Variants in NRXN1 observed in about 807,000 individuals in gnomAD.
NRXN1 encodes neurexin 1, also known as neurexin-1.
A neutral mutation model predicts 150.9 loss-of-function variants in NRXN1; 39 were observed. The observed-to-expected ratio is 0.26, with a 90% confidence interval of 0.20 to 0.34. NRXN1 has a LOEUF of 0.34. Among genes scored for constraint, NRXN1 ranks in the 10% least tolerant of loss-of-function variants. NRXN1 has a pLI of 1.00. For synonymous variants in NRXN1, 924 were observed against 757.0 expected (o/e 1.22, Z -3.62); for missense variants, 1,815 against 1,949.9 (o/e 0.93, Z 1.30).
intron 5 of NRXN1, among the ~76,000 whole-genome samples, chr2:50,876,000 C>T (rs934152629): frequency 6.6e-5 from 10 of 151,842 alleles, no homozygotes; most frequent in African/African-American, 2.4e-4. Context: ...GTTTATTAGA[C>T]TGACTCACAT....
chr2:50,846,106 G>A (rs773565626), intron 5 of NRXN1, among the ~76,000 whole-genome samples: 75 of 152,284 alleles, frequency 4.9e-4, no homozygotes, highest in South Asian at 1.0e-3. Context: ...GAGGTCTGTA[G>A]AATCAACTTA....
chr2:50,069,147 G>A (rs1193308737), intron 19 of NRXN1, among the ~76,000 whole-genome samples: 4 of 152,196 alleles, frequency 2.6e-5, no homozygotes, highest in Non-Finnish European at 5.9e-5. Flanking sequence ...ACTTTGGATA[G>A]CAATGAAGTC....
intron 2 of NRXN1, among the ~76,000 whole-genome samples, chr2:50,942,342 C>G (rs774718869): frequency 6.6e-5 from 10 of 152,186 alleles, no homozygotes; most frequent in Non-Finnish European, 1.2e-4. Flanking sequence ...AGAGTTGCCA[C>G]TGAGGCACTG....
At chr2:50,104,190 CAAT>C (rs1701341540) in intron 18 of NRXN1, among the ~76,000 whole-genome samples, 1 of 151,882 alleles carries the variant, frequency 6.6e-6, no homozygotes, top group Admixed American at 6.6e-5. Context: ...TCTGGGCTGA[CAAT>C]AGTTGAAAAG....
At chr2:50,513,555 T>G (rs1395160141) in intron 12 of NRXN1, among the ~76,000 whole-genome samples, 1 of 152,206 alleles carries the variant, frequency 6.6e-6, no homozygotes, top group African/African-American at 2.4e-5. Flanking sequence ...AACGACATGC[T>G]TAATCTTGCT....
intron 8 of NRXN1, among the ~76,000 whole-genome samples, chr2:50,563,411 G>A (rs1206861738): frequency 6.6e-6 from 1 of 152,200 alleles, no homozygotes; most frequent in East Asian, 1.9e-4. Flanking sequence ...AACAACAACA[G>A]TGAATGTAGT....
chr2:50,829,393 G>C, intron 5 of NRXN1: 1 of 1,221,956 alleles, frequency 8.2e-7, no homozygotes, highest in East Asian at 2.5e-5. Context: ...CTCCCAAAGT[G>C]CGGGGATTAC....
At chr2:50,762,822 G>C (rs1701961853) in intron 5 of NRXN1, among the ~76,000 whole-genome samples, 1 of 151,786 alleles carries the variant, frequency 6.6e-6, no homozygotes, top group Non-Finnish European at 1.5e-5. Context: ...ATGTCTTTTT[G>C]GTAGAATAAT....
chr2:50,089,513 A>G (rs1228363385), intron 19 of NRXN1, among the ~76,000 whole-genome samples: 1 of 152,174 alleles, frequency 6.6e-6, no homozygotes, highest in Non-Finnish European at 1.5e-5. Context: ...TAGGCTGGGC[A>G]TGGTGGCTCA....
At chr2:50,511,524 T>C (rs774072769) in intron 12 of NRXN1, among the ~76,000 whole-genome samples, 2 of 152,194 alleles carry the variant, frequency 1.3e-5, no homozygotes, top group African/African-American at 4.8e-5. Context: ...GCTGGTGATA[T>C]TCACTGGGTT....
At chr2:50,512,023 T>C (rs942912565) in intron 12 of NRXN1, among the ~76,000 whole-genome samples, 1 of 152,126 alleles carries the variant, frequency 6.6e-6, no homozygotes, top group Non-Finnish European at 1.5e-5. Flanking sequence ...GAAGACGACA[T>C]GTATTCTCTC....
chr2:50,362,695 T>A (rs190115329), intron 17 of NRXN1, among the ~76,000 whole-genome samples: 305 of 152,306 alleles, frequency 2.0e-3, no homozygotes, highest in African/African-American at 7.0e-3. Flanking sequence ...TTTAATGTTT[T>A]TCCCATCAAG....
intron 5 of NRXN1, among the ~76,000 whole-genome samples, chr2:50,887,371 A>G (rs904607278): frequency 6.6e-6 from 1 of 151,496 alleles, no homozygotes; most frequent in Non-Finnish European, 1.5e-5. Context: ...GCTATTTAAT[A>G]CTGTTTCATT....
Position 50,259,842 on chromosome 2 carries a change from G to A in NRXN1, c.3365-22872C>T, listed in dbSNP as rs141157899. ...ATTTGGTTTTCTAAATACATTTATC[G>A]GTACAAGTTATTGTACTTAGTTGAT... On this transcript the variant is annotated intron_variant, in intron 17 of 22. Coordinates refer to ENST00000401669, the MANE Select transcript of NRXN1 (RefSeq NM_001330078.2). Among the ~76,000 whole-genome samples the A allele has an allele frequency of 6.0e-4, 91 of 151,638 alleles. No homozygotes were observed. The East Asian group carries it at 0.016, about 27-fold the overall frequency.
chr2:50,507,636 C>CAAAA (rs71404959), intron 12 of NRXN1, among the ~76,000 whole-genome samples: 31 of 107,406 alleles, frequency 2.9e-4, no homozygotes, highest in South Asian at 6.4e-4. Flanking sequence ...TCCGTCACCT[C>CAAAA]AAAAAAAAAA....
chr2:50,280,401 C>T (rs2071271025), intron 17 of NRXN1, among the ~76,000 whole-genome samples: 1 of 151,922 alleles, frequency 6.6e-6, no homozygotes, highest in African/African-American at 2.4e-5. Flanking sequence ...TTGAAAATCT[C>T]CTGAGATTTT....
intron 21 of NRXN1, among the ~76,000 whole-genome samples, chr2:49,964,908 C>T (rs191405433): frequency 5.3e-5 from 8 of 152,132 alleles, no homozygotes; most frequent in East Asian, 1.9e-4. Flanking sequence ...TTTTTTGAGA[C>T]GAGGGTCTCA....
At chr2:50,283,139 T>G (rs1024668009) in intron 17 of NRXN1, among the ~76,000 whole-genome samples, 28 of 152,284 alleles carry the variant, frequency 1.8e-4, no homozygotes, top group African/African-American at 6.5e-4. Flanking sequence ...TAGGAATGAA[T>G]CAAGTGAATA....
intron 5 of NRXN1, among the ~76,000 whole-genome samples, chr2:50,713,725 CA>C (rs1380389598): frequency 1.3e-5 from 2 of 152,122 alleles, no homozygotes; most frequent in African/African-American, 4.8e-5. Context: ...CATTAATTAA[CA>C]GTGGTATTTA....
Sources: allele counts gnomAD v4.1 joint callset (sites outside exome capture counted in the v4.1 genomes callset), GRCh38; gene constraint gnomAD v4.1.1; transcripts MANE v1.5; gene names NCBI Gene and HGNC (gene_info 2026-07-23, HGNC 2026-07-21).